Variants in GNRH1 observed in about 807,000 individuals in gnomAD.
The protein encoded by GNRH1 is progonadoliberin-1.
Under a neutral mutation model 13.6 loss-of-function variants are expected in GNRH1, and 9 were observed. The observed-to-expected ratio is 0.66, with a 90% CI of 0.40 to 1.15. The LOEUF (loss-of-function observed/expected upper bound fraction) is 1.15. Ranked by LOEUF, GNRH1 falls within the 50% of genes most tolerant of loss-of-function variation. The probability of loss-of-function intolerance (pLI) is 0.01; values close to 1 mark genes in which losing one functional copy is unlikely to be tolerated. For missense variants in GNRH1, 116 were observed against 110.8 expected, an observed-to-expected ratio of 1.05 and a Z score of -0.21; for synonymous variants, 44 against 40.1, an observed-to-expected ratio of 1.10 and a Z score of -0.37.
chr8:25,422,540 CCT>C (rs1269740665), intron 2 of GNRH1, among the ~76,000 whole-genome samples: 1 of 152,108 alleles, frequency 6.6e-6, no homozygotes, highest in African/African-American at 2.4e-5. Flanking sequence ...ACAGCGAGAC[CCT>C]GTCTTAGAAA....
chr8:25,419,848 C>T (rs2117365733), intron 3 of GNRH1, among the ~76,000 whole-genome samples: 1 of 152,202 alleles, frequency 6.6e-6, no homozygotes, highest in South Asian at 2.1e-4. Context: ...TCTTGAACTC[C>T]TGGCCTCAAG....
At position 25,423,289 on chromosome 8, in the gene GNRH1, C is replaced by A; in HGVS notation, c.42G>T (p.Leu14=). The change falls in exon 2 of 4, where the codon CTG becomes CTT. Residue 14 remains leucine, a synonymous_variant. Coordinates refer to ENST00000421054, the MANE Select transcript of GNRH1 (RefSeq NM_001083111.2). ...IQKLLAGLIL[L]TWCVEGCSSQ... ...TGGAGCAGCCTTCCACGCACCAAGT[C>A]AGTAGAATAAGGCCAGCTAGGAGTT... 6.2e-7 allele frequency: 1 copy of A among 1,611,956 alleles called. No homozygotes were observed.
chr8:25,423,419 G>T, intron 1 of GNRH1, 88 bp from the exon 2 acceptor site: 2 of 1,124,324 alleles, frequency 1.8e-6, no homozygotes, highest in Non-Finnish European at 1.3e-6. Context: ...GCTAGCATCT[G>T]TATCACTAAC....
At position 25,419,436 on chromosome 8, in the gene GNRH1, C is replaced by T; in HGVS notation, c.262G>A (p.Gly88Arg). Residue 88 changes from glycine to arginine, a missense_variant, in exon 4 of 4, where the codon GGG becomes AGG. By Grantham distance (125) the Gly-to-Arg change is moderately radical. Coordinates refer to ENST00000421054, the MANE Select transcript of GNRH1 (RefSeq NM_001083111.2). ...CAATGGATTTAAATCTTCTTCTGCCCAGTTTCCTCTTCAATCAGACTTTCC... is the reference window on the plus strand; with the variant it reads ...CAATGGATTTAAATCTTCTTCTGCCTAGTTTCCTCTTCAATCAGACTTTCC... ...ALESLIEEETGQKKI is the reference protein window; with the variant it reads ...ALESLIEEETRQKKI 1 of 1,485,950 alleles carries T rather than the reference C, an allele frequency of 6.7e-7. No individual in the cohort carries two copies. Among genetic ancestry groups the T allele is most frequent in the East Asian group, 2.3e-5 (1 of 44,312 alleles). 92.0% of individuals were successfully genotyped at this position (1,485,950 alleles called of 1,614,324 possible).
chr8:25,420,704 A>G (rs377166854), intron 3 of GNRH1, among the ~76,000 whole-genome samples: 22 of 152,218 alleles, frequency 1.4e-4, no homozygotes, highest in African/African-American at 5.3e-4. Context: ...CCTGGGCAAC[A>G]TAGACCCTGT....
rs1443943515 is a variant in GNRH1 at position 25,423,788 on chromosome 8, C to A, written c.-2+413G>T. 3 of 209,154 alleles carry A rather than the reference C, an allele frequency of 1.4e-5. No homozygotes were observed. The Admixed American group carries it at 1.6e-4, about 11-fold the overall frequency. The allele number at this position is 209,154 out of a possible 1,614,324, so 13.0% of individuals were successfully genotyped here. A position where few individuals can be genotyped will look rare whatever the true frequency, so the allele number is the denominator to read the frequency against. On this transcript the variant is annotated intron_variant, in intron 1 of 3. Transcript: ENST00000421054. ...AAATTGCTTGACATTACATGGCTAC[C>A]CCATGGTACTAATGACATTTTTCTA...
chr8:25,424,382 A>T (rs891561472), upstream of GNRH1: 4 of 151,202 alleles, frequency 2.6e-5, no homozygotes, highest in Non-Finnish European at 5.9e-5. Context: ...GGTAATTTTT[A>T]AAAATCCTCA....
chr8:25,424,009 C>T (rs1218140879), intron 1 of GNRH1, 192 bp downstream of exon 1: 1 of 152,494 alleles, frequency 6.6e-6, no homozygotes, highest in Non-Finnish European at 1.5e-5. Flanking sequence ...AAACACTGGT[C>T]GATAAGCTGT....
chr8:25,421,570 T>TA lies in GNRH1; in HGVS notation c.237+2dup, dbSNP rs941725178. On this transcript the variant is annotated splice_region_variant and intron_variant, in intron 3 of 3. Transcript: ENST00000421054. ...TGATCATGTTATGATCACTTTAACTTACCAGAGCTCCTTTCAGGTCTCGGA... is the reference window on the plus strand; with the variant it reads ...TGATCATGTTATGATCACTTTAACTTAACCAGAGCTCCTTTCAGGTCTCGGA... 1.3e-6 allele frequency: 2 copies of TA among 1,498,612 alleles called. No individual in the cohort carries two copies. Among genetic ancestry groups the TA allele is most frequent in the African/African-American group, 2.8e-5 (2 of 72,518 alleles). 92.8% of individuals were successfully genotyped at this position (1,498,612 alleles called of 1,614,324 possible).
At chr8:25,422,787 G>A (rs993392204) in intron 2 of GNRH1, among the ~76,000 whole-genome samples, 3 of 151,978 alleles carry the variant, frequency 2.0e-5, no homozygotes, top group Admixed American at 6.6e-5. Context: ...TTATAAAAAT[G>A]TACTGATCTA....
intron 1 of GNRH1, 103 bp from the exon 2 acceptor site, chr8:25,423,434 C>A: frequency 4.0e-6 from 4 of 990,978 alleles, no homozygotes; most frequent in Non-Finnish European, 4.7e-6. Context: ...ACTAACCCTG[C>A]AGAAGATGGA....
chr8:25,420,477 A>G lies in GNRH1; in HGVS notation c.238-1017T>C, dbSNP rs183536421. On this transcript the variant is annotated intron_variant, in intron 3 of 3. Coordinates refer to ENST00000421054, the MANE Select transcript of GNRH1 (RefSeq NM_001083111.2). ...GAAGTCACTGTAGACAATTAAAATTACAGCTTATTTTTATATATGATTTAT... is the reference window on the plus strand; with the variant it reads ...GAAGTCACTGTAGACAATTAAAATTGCAGCTTATTTTTATATATGATTTAT... Among the ~76,000 whole-genome samples the G allele has an allele frequency of 9.3e-4, 142 of 152,310 alleles. 2 individuals carry two copies. The highest frequency in any genetic ancestry group is 3.2e-3 in the African/African-American group (131 of 41,576).
chr8:25,419,387 T>C lies in GNRH1; in HGVS notation c.*32A>G. 1 of 1,172,238 alleles carries C rather than the reference T, an allele frequency of 8.5e-7. No individual in the cohort carries two copies. The highest frequency in any genetic ancestry group is 2.3e-5 in the East Asian group (1 of 42,962). The allele number at this position is 1,172,238 out of a possible 1,614,324, so 72.6% of individuals were successfully genotyped here. ...TGTCAGAATTATACTTAAGTCATGT[T>C]AGTAATGGTCATTCCTTCTGGCCCA... On this transcript the variant is annotated 3_prime_UTR_variant, in exon 4 of 4. Transcript: ENST00000421054.
At chr8:25,423,018 C>T (rs550779826) in intron 2 of GNRH1, among the ~76,000 whole-genome samples, 172 bp downstream of exon 2, 10 of 152,132 alleles carry the variant, frequency 6.6e-5, no homozygotes, top group Non-Finnish European at 1.5e-4. Flanking sequence ...TGTTTAGTCC[C>T]TGTGTGAACT....
intron 3 of GNRH1, among the ~76,000 whole-genome samples, chr8:25,420,481 C>T (rs1222047904): frequency 6.6e-6 from 1 of 152,142 alleles, no homozygotes; most frequent in African/African-American, 2.4e-5. Context: ...AAAATTACAG[C>T]TTATTTTTAT....
rs1801742801 is a variant in GNRH1 at position 25,419,313 on chromosome 8, T to A, written c.*106A>T. 1 of 772,316 alleles carries A rather than the reference T, an allele frequency of 1.3e-6. No individual in the cohort carries two copies. Among genetic ancestry groups the A allele is most frequent in the Non-Finnish European group, 2.4e-6 (1 of 417,636 alleles). The allele number at this position is 772,316 out of a possible 1,614,324, so 47.8% of individuals were successfully genotyped here. A position where few individuals can be genotyped will look rare whatever the true frequency, so the allele number is the denominator to read the frequency against. On this transcript the variant is annotated 3_prime_UTR_variant, in exon 4 of 4. Coordinates refer to ENST00000421054, the MANE Select transcript of GNRH1 (RefSeq NM_001083111.2). ...ATATGTGCAACTTGGTGTAAGGATT[T>A]CTGAAATTCATACCATTTACAGGTA...
At chr8:25,421,518 C>T (rs1158113469) in intron 3 of GNRH1, 55 bp downstream of exon 3, 7 of 930,056 alleles carry the variant, frequency 7.5e-6, no homozygotes, top group Non-Finnish European at 8.8e-6. Context: ...TCCCCAAAGG[C>T]TTATCCACCT....
chr8:25,422,159 C>T (rs1801782417), intron 2 of GNRH1, among the ~76,000 whole-genome samples: 2 of 152,148 alleles, frequency 1.3e-5, no homozygotes, highest in African/African-American at 2.4e-5. Flanking sequence ...ATAATTCCTT[C>T]CAATGATAAT....
intron 2 of GNRH1, among the ~76,000 whole-genome samples, chr8:25,422,487 G>A (rs904728901): frequency 1.3e-5 from 2 of 152,192 alleles, no homozygotes; most frequent in African/African-American, 2.4e-5. Flanking sequence ...AGTCAAGGCT[G>A]CAGTGAGCTG....
Sources: allele counts gnomAD v4.1 joint callset (sites outside exome capture counted in the v4.1 genomes callset), GRCh38; gene constraint gnomAD v4.1.1; transcripts MANE v1.5; gene names NCBI Gene and HGNC (gene_info 2026-07-23, HGNC 2026-07-21).